GHRHR: variants seen among roughly 807,000 people sequenced by gnomAD.
GHRHR encodes the protein growth hormone releasing hormone receptor, also known as growth hormone-releasing hormone receptor.
GHRHR carries 40 observed loss-of-function variants against 58.3 expected under a neutral mutation model. The observed-to-expected ratio is 0.69, with a 90% confidence interval of 0.53 to 0.89. The LOEUF is 0.89. GHRHR is among the 40% of genes least tolerant of loss of function. The pLI is 0.00. For missense variants in GHRHR, 551 were observed against 541.3 expected (o/e 1.02, Z -0.18); for synonymous variants, 249 against 216.6 (o/e 1.15, Z -1.31).
Position 30,969,043 on chromosome 7 carries a change from G to A in GHRHR, c.161-20G>A, listed in dbSNP as rs762629722. ...CCTGCACCTGGGCTGAGTCTCTGCTGCTCCTGGCTCTCTATCCAGGCTGCC... is the reference window on the plus strand; with the variant it reads ...CCTGCACCTGGGCTGAGTCTCTGCTACTCCTGGCTCTCTATCCAGGCTGCC... On this transcript the variant is annotated intron_variant, in intron 2 of 12. Coordinates refer to ENST00000326139, the MANE Select transcript of GHRHR (RefSeq NM_000823.4). The A allele has an allele frequency of 6.4e-7, 1 of 1,566,282 alleles. No homozygotes were observed. The highest frequency in any genetic ancestry group is 1.9e-5 in the Admixed American group (1 of 53,710).
chr7:30,979,168 T>C lies in GHRHR; in HGVS notation c.1196T>C (p.Leu399Pro). The C allele has an allele frequency of 6.2e-7, 1 of 1,613,770 alleles. No homozygotes were observed. The highest frequency in any genetic ancestry group is 8.5e-7 in the Non-Finnish European group (1 of 1,179,646). Reference protein sequence around the residue: ...RKWHGHDPELLPAWRTRAKWT... With the variant: ...RKWHGHDPELPPAWRTRAKWT... ...TGGCATGGCCATGACCCTGAGCTTC[T>C]GCCAGCCTGGAGGACCCGTGCTAAG... Residue 399 changes from leucine (L) to proline (P), a missense_variant, in exon 13 of 13, where the codon CTG becomes CCG. Leu to Pro is a moderately conservative substitution (Grantham distance 98). Transcript: ENST00000326139.
chr7:30,968,690 C>G (rs1792410252), intron 1 of GHRHR, 144 bp from the exon 2 acceptor site: 5 of 423,418 alleles, frequency 1.2e-5, no homozygotes, highest in Non-Finnish European at 2.3e-5. Flanking sequence ...CCAAACACAC[C>G]TGAAACTACT....
At position 30,964,113 on chromosome 7, in the gene GHRHR, C is replaced by T; in HGVS notation, c.45C>T (p.Ser15=). The T allele has an allele frequency of 6.5e-7, 1 of 1,549,390 alleles. No homozygotes were observed. Among genetic ancestry groups the T allele is most frequent in the South Asian group, 1.2e-5 (1 of 84,046 alleles). ...GGGCCCACGTCTTCTGCGTGTTGAG[C>T]CCGTTACCGACCGTGAGTAGCCAGC... is the stretch of plus-strand genomic sequence containing the variant. ...MWGAHVFCVL[S]PLPTVLGHMH... The change falls in exon 1 of 13, where the codon AGC becomes AGT. Residue 15 remains serine (S), a synonymous_variant. Coordinates refer to ENST00000326139, the MANE Select transcript of GHRHR (RefSeq NM_000823.4).
intron 10 of GHRHR, 60 bp downstream of exon 10, chr7:30,975,928 G>A: frequency 1.1e-6 from 1 of 945,600 alleles, no homozygotes; most frequent in Non-Finnish European, 1.8e-6. Context: ...GATTCAATGT[G>A]TCTGTCTCAT....
chr7:30,974,172 A>T lies in GHRHR; in HGVS notation c.751+34A>T, dbSNP rs201178371. 284 of 1,607,778 alleles carry T rather than the reference A, an allele frequency of 1.8e-4. 2 individuals are homozygous for T. The highest frequency in any genetic ancestry group is 6.7e-5 in the Admixed American group (4 of 59,906). On this transcript the variant is annotated intron_variant, in intron 7 of 12. Transcript: ENST00000326139. ...TGAGGGCGGGTTGGGCACCATGGGG[A>T]GGTAAAGGGCTGGAAAGGCCCAGGG...
chr7:30,976,026 A>T (rs1386542201), intron 10 of GHRHR, 158 bp downstream of exon 10: 1 of 659,622 alleles, frequency 1.5e-6, no homozygotes, highest in African/African-American at 1.8e-5. Flanking sequence ...CTTCTAGGGG[A>T]TCACAATATT....
chr7:30,968,640 C>CCTTCCTT (rs1554292747), intron 1 of GHRHR, among the ~76,000 whole-genome samples, 194 bp from the exon 2 acceptor site: 1 of 81,862 alleles, frequency 1.2e-5, no homozygotes, highest in Non-Finnish European at 2.4e-5. Flanking sequence ...CTCCCTCCCT[C>CCTTCCTT]CCTTCCTTCC....
At chr7:30,973,963 G>C in intron 6 of GHRHR, 22 bp from the exon 7 acceptor site, 1 of 1,612,016 alleles carries the variant, frequency 6.2e-7, no homozygotes, top group Non-Finnish European at 8.5e-7. Flanking sequence ...CAGCTCTGAA[G>C]CACCCAGGTC....
At chr7:30,971,087 C>G (rs772602290) in intron 4 of GHRHR, 32 bp from the exon 5 acceptor site, 70 of 953,144 alleles carry the variant, frequency 7.3e-5, no homozygotes, top group Non-Finnish European at 1.1e-4. Flanking sequence ...GGCCCAGAAG[C>G]TGAGACTTTC....
chr7:30,970,397 T>C, intron 4 of GHRHR, among the ~76,000 whole-genome samples: 1 of 152,314 alleles, frequency 6.6e-6, no homozygotes, highest in Non-Finnish European at 1.5e-5. Context: ...AGAGAGCTCC[T>C]AACACCAGCC....
chr7:30,967,888 T>A (rs937006324), intron 1 of GHRHR, among the ~76,000 whole-genome samples: 4 of 152,180 alleles, frequency 2.6e-5, no homozygotes, highest in Non-Finnish European at 5.9e-5. Flanking sequence ...TTTAAAATGG[T>A]TTCCAGTGGG....
At chr7:30,975,256 G>C (rs79659473) in intron 9 of GHRHR, among the ~76,000 whole-genome samples, 4,593 of 152,242 alleles carry the variant, frequency 0.03, 229 homozygotes, top group African/African-American at 0.11. Context: ...CATGCAGGCT[G>C]TTCCAGCTCA....
At position 30,968,936 on chromosome 7, in the gene GHRHR, G is replaced by A; in HGVS notation, c.160G>A (p.Gly54Ser). 6.2e-7 allele frequency: 1 copy of A among 1,607,392 alleles called. No individual in the cohort carries two copies. Among genetic ancestry groups the A allele is most frequent in the Non-Finnish European group, 8.5e-7 (1 of 1,173,956 alleles). Residue 54 changes from glycine to serine, a missense_variant and splice_region_variant, in exon 2 of 13, where the codon GGC becomes AGC. Physicochemically the swap from Gly to Ser is moderately conservative, Grantham distance 56 (BLOSUM62 0). Coordinates refer to ENST00000326139, the MANE Select transcript of GHRHR (RefSeq NM_000823.4). Reference protein sequence around the residue: ...AAEEMPNTTLGCPATWDGLLC... With the variant: ...AAEEMPNTTLSCPATWDGLLC... ...AGAGGAGATGCCCAACACCACCCTG[G>A]GTATGGGGCCTAGGAGGCAGGTGGT...
At chr7:30,978,685 C>T (rs539891733) in intron 12 of GHRHR, among the ~76,000 whole-genome samples, 33 of 152,166 alleles carry the variant, frequency 2.2e-4, no homozygotes, top group Non-Finnish European at 4.3e-4. Context: ...TCCTCAACTG[C>T]AACCCCTCAG....
intron 1 of GHRHR, among the ~76,000 whole-genome samples, chr7:30,968,596 TCCTCCCTCTCTCCCTCCCTCCCTCCCTC>T (rs1022055559): frequency 1.8e-5 from 2 of 114,002 alleles, no homozygotes; most frequent in Non-Finnish European, 3.5e-5. Flanking sequence ...GACCTTCTGT[TCCTCCCTCTCTCCCTCCCTCCCTCCCTC>T]CCTCCCTCCC....
chr7:30,978,248 C>A (rs1370309406), intron 12 of GHRHR, among the ~76,000 whole-genome samples: 1 of 152,198 alleles, frequency 6.6e-6, no homozygotes. Context: ...GCAGCCTTAT[C>A]TGGTGTCTGG....
At chr7:30,971,466 G>C (rs750610125) in intron 5 of GHRHR, among the ~76,000 whole-genome samples, 2 of 152,124 alleles carry the variant, frequency 1.3e-5, no homozygotes, top group Non-Finnish European at 2.9e-5. Flanking sequence ...TGTTCTCAGT[G>C]TATTTATAAC....
At chr7:30,970,180 G>A (rs1270853567) in intron 4 of GHRHR, among the ~76,000 whole-genome samples, 2 of 152,188 alleles carry the variant, frequency 1.3e-5, no homozygotes, top group Non-Finnish European at 2.9e-5. Context: ...GGGAGAAGCG[G>A]GGCAGAGGGC....
chr7:30,965,926 C>G (rs759468972), intron 1 of GHRHR, among the ~76,000 whole-genome samples: 3 of 152,176 alleles, frequency 2.0e-5, no homozygotes, highest in Non-Finnish European at 2.9e-5. Context: ...CTGAGATGGA[C>G]CTGAGGTTAC....
Sources: allele counts gnomAD v4.1 joint callset (sites outside exome capture counted in the v4.1 genomes callset), GRCh38; gene constraint gnomAD v4.1.1; transcripts MANE v1.5; gene names NCBI Gene and HGNC (gene_info 2026-07-23, HGNC 2026-07-21).